LRRC7: variants seen among roughly 807,000 people sequenced by gnomAD.
The protein encoded by LRRC7 is leucine-rich repeat-containing protein 7.
LRRC7 carries 23 observed loss-of-function variants against 175.7 expected under a neutral mutation model. That is an observed-to-expected ratio of 0.13 (90% CI 0.09 to 0.19). The LOEUF (loss-of-function observed/expected upper bound fraction) is 0.19, where lower values mean the gene tolerates loss of function less well. Among genes scored for constraint, LRRC7 ranks in the 10% least tolerant of loss-of-function variants. The probability of loss-of-function intolerance (pLI) is 1.00; values close to 1 mark genes in which losing one functional copy is unlikely to be tolerated. For missense variants in LRRC7, 1,354 were observed against 1,904.7 expected (o/e 0.71, Z 5.38); for synonymous variants, 685 against 680.9 (o/e 1.01, Z -0.09).
At position 69,568,557 on chromosome 1, in the gene LRRC7, A is replaced by G; in HGVS notation, c.-83A>G. The G allele has an allele frequency of 7.7e-7, 1 of 1,296,822 alleles. No homozygotes were observed. The highest frequency in any genetic ancestry group is 1.0e-6 in the Non-Finnish European group (1 of 978,988). 80.3% of individuals were successfully genotyped at this position (1,296,822 alleles called of 1,614,324 possible). On this transcript the variant is annotated 5_prime_UTR_variant, in exon 1 of 27. Transcript: ENST00000651989. ...GACCCTGGCGCCCACTCCACTGCGG[A>G]CCCCTGAACACTTAAGGAATAACCC...
At chr1:69,913,217 T>C (rs1315244156) in intron 7 of LRRC7, among the ~76,000 whole-genome samples, 1 of 152,202 alleles carries the variant, frequency 6.6e-6, no homozygotes, top group Non-Finnish European at 1.5e-5. Flanking sequence ...AATTAGGTCT[T>C]TCCAATATTC....
chr1:70,119,809 T>C (rs1450236292), intron 26 of LRRC7, among the ~76,000 whole-genome samples: 1 of 152,140 alleles, frequency 6.6e-6, no homozygotes, highest in Non-Finnish European at 1.5e-5. Context: ...TTTTAATTCA[T>C]TGCAATTCTA....
In LRRC7 at chr1:70,142,780, CT is replaced by C. The variant is rs1232749292; in HGVS notation, c.*20896del. 2 of 152,026 alleles carry C rather than the reference CT, an allele frequency of 1.3e-5. No homozygotes were observed. Among genetic ancestry groups the C allele is most frequent in the East Asian group, 3.9e-4 (2 of 5,188 alleles). 9.4% of individuals were successfully genotyped at this position (152,026 alleles called of 1,614,324 possible). On this transcript the variant is annotated 3_prime_UTR_variant, in exon 27 of 27. Coordinates refer to ENST00000651989, the MANE Select transcript of LRRC7 (RefSeq NM_001370785.2). The stretch of plus-strand genomic sequence containing the variant: ...AGAAAACCATAACATGAACTAGGGT[CT>C]TTCTATTCAAAAAAGAAATATTAAA...
At chr1:69,585,207 T>C (rs1210266590) in intron 1 of LRRC7, among the ~76,000 whole-genome samples, 2 of 151,922 alleles carry the variant, frequency 1.3e-5, no homozygotes, top group Non-Finnish European at 2.9e-5. Context: ...TCTACTATTA[T>C]TTGAGGAACT....
intron 8 of LRRC7, among the ~76,000 whole-genome samples, chr1:69,947,050 C>T (rs956249957): frequency 6.6e-5 from 10 of 151,910 alleles, no homozygotes; most frequent in Non-Finnish European, 1.3e-4. Context: ...TGCACTCCAG[C>T]TGAGGCAAGA....
intron 8 of LRRC7, among the ~76,000 whole-genome samples, chr1:69,932,723 T>G (rs1022293826): frequency 2.0e-5 from 3 of 152,196 alleles, no homozygotes; most frequent in African/African-American, 7.2e-5. Context: ...TGCTAGTCTC[T>G]CATGTTCCTC....
chr1:69,726,337 T>C (rs567250585), intron 2 of LRRC7, among the ~76,000 whole-genome samples: 16 of 152,210 alleles, frequency 1.1e-4, no homozygotes, highest in Non-Finnish European at 2.1e-4. Flanking sequence ...TAAAATTTTA[T>C]CACCATAATA....
chr1:69,704,556 G>GA (rs1663784407), intron 2 of LRRC7, among the ~76,000 whole-genome samples: 1 of 151,758 alleles, frequency 6.6e-6, no homozygotes, highest in South Asian at 2.1e-4. Context: ...TTTATTTCAT[G>GA]AAAGTTAACA....
intron 8 of LRRC7, among the ~76,000 whole-genome samples, chr1:69,962,736 A>G (rs555711925): frequency 3.9e-5 from 6 of 152,284 alleles, no homozygotes; most frequent in Admixed American, 2.0e-4. Flanking sequence ...CAGAAAACCA[A>G]ATACCACATA....
At chr1:69,729,791 C>T (rs1219407614) in intron 2 of LRRC7, among the ~76,000 whole-genome samples, 1 of 152,202 alleles carries the variant, frequency 6.6e-6, no homozygotes. Context: ...GGAAGTGCCC[C>T]AGCAGAGACT....
In LRRC7 at chr1:70,140,514, T is replaced by A. The variant is rs1005625352; in HGVS notation, c.*18627T>A. On this transcript the variant is annotated 3_prime_UTR_variant, in exon 27 of 27. Coordinates refer to ENST00000651989, the MANE Select transcript of LRRC7 (RefSeq NM_001370785.2). ...CCTTGGCTTCTTGTCATATTTTCAT[T>A]TTTCTGCACTGGTTCCCATGGCAAC... The A allele has an allele frequency of 6.6e-6, 1 of 152,150 alleles. No individual in the cohort carries two copies. The highest frequency in any genetic ancestry group is 2.4e-5 in the African/African-American group (1 of 41,436). The allele number at this position is 152,150 out of a possible 1,614,324, so 9.4% of individuals were successfully genotyped here.
intron 2 of LRRC7, among the ~76,000 whole-genome samples, chr1:69,735,703 G>A (rs1199495868): frequency 6.6e-6 from 1 of 151,862 alleles, no homozygotes; most frequent in African/African-American, 2.4e-5. Context: ...TTCTCATTTG[G>A]GACTGCAAGA....
chr1:69,837,829 T>C (rs975477646), intron 6 of LRRC7, among the ~76,000 whole-genome samples: 1 of 149,490 alleles, frequency 6.7e-6, no homozygotes, highest in Non-Finnish European at 1.5e-5. Context: ...ATAATCAATA[T>C]ATATATTTCT....
At position 69,985,680 on chromosome 1, in the gene LRRC7, A is replaced by G. The variant is rs537813264; in HGVS notation, c.787-562A>G. On this transcript the variant is annotated intron_variant, in intron 9 of 26. Transcript: ENST00000651989. ...TCCTAGAAACCCTACTCAACTTTCT[A>G]TCTCTATGGATTTGCATATTCTGGA... Among the ~76,000 whole-genome samples the G allele has an allele frequency of 2.0e-5, 3 of 152,288 alleles. No homozygotes were observed. In the South Asian group the frequency reaches 6.2e-4, roughly 32 times the overall value.
At chr1:69,574,575 G>T (rs1382991200) in intron 1 of LRRC7, among the ~76,000 whole-genome samples, 1 of 152,096 alleles carries the variant, frequency 6.6e-6, no homozygotes, top group Non-Finnish European at 1.5e-5. Context: ...TGGACACAAA[G>T]CTAAAATATG....
In LRRC7 at chr1:69,718,128, A is replaced by AGAGAGAGAG. The variant is rs1553146102; in HGVS notation, c.100+39650_100+39651insGAGAGAGAG. ...GAGAGAAAAAGAAAGAAAGAAAGAA[A>AGAGAGAGAG]AGAAAGAAAGAGAGAGAAAGAAAGA... On this transcript the variant is annotated intron_variant, in intron 2 of 26. Coordinates refer to ENST00000651989, the MANE Select transcript of LRRC7 (RefSeq NM_001370785.2). 1.1e-3 allele frequency among the ~76,000 whole-genome samples: 75 copies of AGAGAGAGAG among 67,812 alleles called. 1 individual carries two copies. Among genetic ancestry groups the AGAGAGAGAG allele is most frequent in the Admixed American group, 2.7e-3 (18 of 6,588 alleles). 44.5% of individuals were successfully genotyped at this position (67,812 alleles called of 152,430 possible).
chr1:69,680,115 G>A (rs1052616916), intron 2 of LRRC7, among the ~76,000 whole-genome samples: 1 of 152,030 alleles, frequency 6.6e-6, no homozygotes, highest in Non-Finnish European at 1.5e-5. Flanking sequence ...CAGGCTAAGA[G>A]CAGCAGCAGC....
chr1:70,019,998 TG>T (rs1473513806), intron 15 of LRRC7, among the ~76,000 whole-genome samples: 1 of 152,040 alleles, frequency 6.6e-6, no homozygotes, highest in East Asian at 1.9e-4. Flanking sequence ...ATCCCTAATT[TG>T]TCCCAAGGTA....
At chr1:70,043,415 C>T (rs1660081923) in intron 21 of LRRC7, among the ~76,000 whole-genome samples, 1 of 152,122 alleles carries the variant, frequency 6.6e-6, no homozygotes, top group African/African-American at 2.4e-5. Context: ...GGCATTTTGA[C>T]CAGCTGTTTT....
Sources: allele counts gnomAD v4.1 joint callset (sites outside exome capture counted in the v4.1 genomes callset), GRCh38; gene constraint gnomAD v4.1.1; transcripts MANE v1.5; gene names NCBI Gene and HGNC (gene_info 2026-07-23, HGNC 2026-07-21).